Variants in DCLRE1A observed in about 807,000 individuals in gnomAD.
DCLRE1A encodes DNA cross-link repair 1A protein.
DCLRE1A carries 64 observed loss-of-function variants against 91.9 expected under a neutral mutation model. The ratio of observed to expected loss-of-function variants is 0.70; its 90% CI spans 0.57 to 0.86. The LOEUF (loss-of-function observed/expected upper bound fraction) is 0.86, where lower values mean the gene tolerates loss of function less well. Among genes scored for constraint, DCLRE1A ranks in the 40% least tolerant of loss-of-function variants. The probability of loss-of-function intolerance (pLI) is 0.00; values close to 1 mark genes in which losing one functional copy is unlikely to be tolerated. For synonymous variants in DCLRE1A, 416 were observed against 431.1 expected (o/e 0.96, Z 0.43); for missense variants, 1,145 against 1,213.3 (o/e 0.94, Z 0.84).
chr10:113,844,547 A>C (rs990632697), intron 4 of DCLRE1A, among the ~76,000 whole-genome samples: 3 of 152,192 alleles, frequency 2.0e-5, no homozygotes, highest in African/African-American at 7.2e-5. Flanking sequence ...ATGCCTGGTA[A>C]GACTGTTTTG....
At chr10:113,844,754 A>G (rs1023447448) in intron 4 of DCLRE1A, among the ~76,000 whole-genome samples, 1 of 152,010 alleles carries the variant, frequency 6.6e-6, no homozygotes, top group Non-Finnish European at 1.5e-5. Flanking sequence ...TGGCCAACAT[A>G]GCAAAATCCC....
rs554432161 is a variant in DCLRE1A at position 113,849,140 on chromosome 10, G to A, written c.1965C>T (p.His655=). Residue 655 remains histidine (H), a synonymous_variant, in exon 2 of 9, where the codon CAC becomes CAT. Transcript: ENST00000361384. ...QEGACQKRSD[H]LINTESEAVN... ...CTGCTTCAGATTCTGTATTAATAAG[G>A]TGATCTGATCTCTTCTGACACGCTC... 6 of 1,613,998 alleles carry A rather than the reference G, an allele frequency of 3.7e-6. No homozygotes were observed. In the South Asian group the frequency reaches 6.6e-5, roughly 18 times the overall value.
chr10:113,848,296 G>A (rs549112206), intron 2 of DCLRE1A, among the ~76,000 whole-genome samples: 4 of 152,224 alleles, frequency 2.6e-5, no homozygotes, highest in South Asian at 4.1e-4. Context: ...CAGCCTAGGC[G>A]ACAGAGCGAG....
intron 2 of DCLRE1A, among the ~76,000 whole-genome samples, chr10:113,848,001 G>A (rs984630769): frequency 6.6e-6 from 1 of 152,168 alleles, no homozygotes; most frequent in Non-Finnish European, 1.5e-5. Context: ...ATCAACACAT[G>A]GTTTTAGGAT....
In DCLRE1A at chr10:113,849,084, T is replaced by A; in HGVS notation, c.2021A>T (p.Lys674Ile). ...CCTTTGCAGCCCACCATGAGCTGAT[T>A]TTGTGAAGACTTTGACTTTACTTAA... Reference protein sequence around the residue: ...VNLSKVKVFTKSAHGGLQRGN... With the variant: ...VNLSKVKVFTISAHGGLQRGN... Residue 674 changes from lysine to isoleucine, a missense_variant, in exon 2 of 9, where the codon AAA becomes ATA. Lys to Ile is a moderately radical substitution (Grantham distance 102, BLOSUM62 -3). Coordinates refer to ENST00000361384, the MANE Select transcript of DCLRE1A (RefSeq NM_014881.5). The A allele has an allele frequency of 6.2e-7, 1 of 1,614,174 alleles. No individual in the cohort carries two copies. Among genetic ancestry groups the A allele is most frequent in the African/African-American group, 1.3e-5 (1 of 75,056 alleles).
intron 8 of DCLRE1A, among the ~76,000 whole-genome samples, chr10:113,835,590 T>C (rs1845348520): frequency 6.6e-6 from 1 of 152,014 alleles, no homozygotes; most frequent in South Asian, 2.1e-4. Flanking sequence ...AGGGGCCTGG[T>C]GGGAGGCGAT....
rs3750898 is a variant in DCLRE1A at position 113,850,156 on chromosome 10, C to A, written c.949G>T (p.Asp317Tyr). 1.2e-6 allele frequency: 2 copies of A among 1,613,768 alleles called. No homozygotes were observed. Among genetic ancestry groups the A allele is most frequent in the Admixed American group, 1.7e-5 (1 of 59,994 alleles). ...EDTHDIDEKP[D>Y]DSQEQLFFTE... ...AAAAACAGTTGTTCTTGTGAATCAT[C>A]CGGTTTTTCATCGATATCATGAGTG... The change falls in exon 2 of 9, where the codon GAT becomes TAT. Residue 317 changes from aspartate to tyrosine, a missense_variant. Asp to Tyr is a radical substitution (Grantham distance 160). Transcript: ENST00000361384.
At chr10:113,852,624 G>GGTA in intron 1 of DCLRE1A, 99 bp downstream of exon 1, 1 of 1,189,436 alleles carries the variant, frequency 8.4e-7, no homozygotes. Context: ...CTCTCTTTTA[G>GGTA]GTTACTGCTT....
At chr10:113,835,481 G>A (rs1462840630) in intron 8 of DCLRE1A, among the ~76,000 whole-genome samples, 169 bp from the exon 9 acceptor site, 1 of 152,186 alleles carries the variant, frequency 6.6e-6, no homozygotes, top group Non-Finnish European at 1.5e-5. Flanking sequence ...TATCTTTTAT[G>A]AATAATAAAG....
chr10:113,845,350 G>A (rs886103813), intron 4 of DCLRE1A, among the ~76,000 whole-genome samples: 1 of 152,142 alleles, frequency 6.6e-6, no homozygotes, highest in African/African-American at 2.4e-5. Flanking sequence ...TTATGTAAAT[G>A]ATAAATGATA....
chr10:113,843,520 T>C (rs1845480124), intron 5 of DCLRE1A, among the ~76,000 whole-genome samples: 1 of 152,262 alleles, frequency 6.6e-6, no homozygotes, highest in African/African-American at 2.4e-5. Context: ...TTAAGATAAT[T>C]TCTAACAAGT....
rs773966798 is a variant in DCLRE1A at position 113,844,097 on chromosome 10, C to T, written c.2519+7G>A. ...AAAAGGAAACACACAAAAAAAGCCT[C>T]TCTTACGTGGTATCTAAGTACAGCA... On this transcript the variant is annotated splice_region_variant and intron_variant, in intron 5 of 8. Coordinates refer to ENST00000361384, the MANE Select transcript of DCLRE1A (RefSeq NM_014881.5). 3.7e-6 allele frequency: 6 copies of T among 1,613,864 alleles called. No individual in the cohort carries two copies. In the Admixed American group the frequency reaches 8.3e-5, roughly 22 times the overall value.
Position 113,845,732 on chromosome 10 carries a change from A to G in DCLRE1A, c.2331T>C (p.Thr777=). The change falls in exon 4 of 9, where the codon ACT becomes ACC. Residue 777 remains threonine, a synonymous_variant. Transcript: ENST00000361384. ...EQYIHPLPLD[T]ECIVNGVKVV... The stretch of plus-strand genomic sequence containing the variant: ...CTTTGACACCATTCACAATACATTC[A>G]GTGTCCAGTGGCAATGGGTGAATAT... 6.2e-7 allele frequency: 1 copy of G among 1,614,194 alleles called. No homozygotes were observed. The highest frequency in any genetic ancestry group is 8.5e-7 in the Non-Finnish European group (1 of 1,180,016).
At position 113,853,287 on chromosome 10, in the gene DCLRE1A, AC is replaced by A; in HGVS notation, c.-106del. 4 of 1,125,838 alleles carry A rather than the reference AC, an allele frequency of 3.6e-6. No individual in the cohort carries two copies. Among genetic ancestry groups the A allele is most frequent in the Non-Finnish European group, 3.6e-6 (3 of 824,168 alleles). The allele number at this position is 1,125,838 out of a possible 1,614,324, so 69.7% of individuals were successfully genotyped here. ...TAGAATTATTTTGCTGAGAAAAAAAACAAAGGTAACAAAACCCCCACCAACT... is the reference window on the plus strand; with the variant it reads ...TAGAATTATTTTGCTGAGAAAAAAAAAAAGGTAACAAAACCCCCACCAACT... On this transcript the variant is annotated 5_prime_UTR_variant, in exon 1 of 9. Transcript: ENST00000361384.
intron 4 of DCLRE1A, among the ~76,000 whole-genome samples, chr10:113,844,571 T>C (rs1845500611): frequency 6.6e-6 from 1 of 152,150 alleles, no homozygotes; most frequent in African/African-American, 2.4e-5. Context: ...GCCTGAGACA[T>C]TGAACTATGT....
chr10:113,838,038 C>T (rs923739638), intron 7 of DCLRE1A, among the ~76,000 whole-genome samples: 19 of 152,044 alleles, frequency 1.2e-4, no homozygotes, highest in African/African-American at 4.3e-4. Context: ...ATCCTTTAAT[C>T]TTTTGTATCA....
chr10:113,844,793 A>C (rs1241228500), intron 4 of DCLRE1A, among the ~76,000 whole-genome samples: 1 of 151,992 alleles, frequency 6.6e-6, no homozygotes, highest in Non-Finnish European at 1.5e-5. Flanking sequence ...AAAATTAGCC[A>C]GGTGTGGTGG....
At chr10:113,837,024 T>C in intron 8 of DCLRE1A, 38 bp downstream of exon 8, 1 of 1,511,162 alleles carries the variant, frequency 6.6e-7, no homozygotes, top group East Asian at 2.3e-5. Context: ...ATTATAAACA[T>C]TATAAACACT....
chr10:113,848,522 G>C (rs1845579540), intron 2 of DCLRE1A, among the ~76,000 whole-genome samples: 1 of 152,108 alleles, frequency 6.6e-6, no homozygotes, highest in Non-Finnish European at 1.5e-5. Context: ...GAGAAACTAA[G>C]TTCTAATACG....
Sources: allele counts gnomAD v4.1 joint callset (sites outside exome capture counted in the v4.1 genomes callset), GRCh38; gene constraint gnomAD v4.1.1; transcripts MANE v1.5; gene names NCBI Gene and HGNC (gene_info 2026-07-23, HGNC 2026-07-21).